The following DOCK1 variants were observed in gnomAD, a reference collection of about 807,000 sequenced individuals.
DOCK1 encodes dedicator of cytokinesis 1.
DOCK1 carries 138 observed loss-of-function variants against 262.7 expected under a neutral mutation model. That is an observed-to-expected ratio of 0.53 (90% confidence interval 0.46 to 0.61). The LOEUF is 0.61. Among genes scored for constraint, DOCK1 ranks in the 20% least tolerant of loss-of-function variants. The probability of loss-of-function intolerance (pLI) is 0.00; values close to 1 mark genes in which losing one functional copy is unlikely to be tolerated. For missense variants in DOCK1, 1,908 were observed against 2,370.7 expected (o/e 0.80, Z 4.05); for synonymous variants, 866 against 867.4 (o/e 1.00, Z 0.03).
At chr10:127,149,851 G>C (rs1404516768) in intron 27 of DOCK1, among the ~76,000 whole-genome samples, 1 of 152,168 alleles carries the variant, frequency 6.6e-6, no homozygotes, top group Non-Finnish European at 1.5e-5. Flanking sequence ...GGCATCCCAT[G>C]GTGCATATGG....
intron 23 of DOCK1, among the ~76,000 whole-genome samples, chr10:127,072,067 C>T (rs1055615951): frequency 3.3e-5 from 5 of 152,186 alleles, no homozygotes; most frequent in African/African-American, 1.2e-4. Context: ...TTAGGTGCTC[C>T]TCCCACATCT....
chr10:126,946,676 C>A (rs966091219), intron 1 of DOCK1, among the ~76,000 whole-genome samples: 1 of 152,184 alleles, frequency 6.6e-6, no homozygotes, highest in Non-Finnish European at 1.5e-5. Flanking sequence ...AGTATTTGTC[C>A]TTTTGTGCCT....
intron 35 of DOCK1, among the ~76,000 whole-genome samples, chr10:127,374,888 G>C (rs114459306): frequency 1.3e-5 from 2 of 152,304 alleles, no homozygotes; most frequent in African/African-American, 4.8e-5. Flanking sequence ...GGGGAACGTT[G>C]TCCTACTCAC....
chr10:127,301,596 G>A (rs1178579131), intron 29 of DOCK1, among the ~76,000 whole-genome samples: 1 of 152,136 alleles, frequency 6.6e-6, no homozygotes, highest in Non-Finnish European at 1.5e-5. Context: ...GAAATCAAAT[G>A]TATTATGGGC....
chr10:127,031,566 AG>A, intron 16 of DOCK1, 83 bp from the exon 17 acceptor site: 1 of 1,040,362 alleles, frequency 9.6e-7, no homozygotes, highest in South Asian at 1.5e-5. Context: ...GTTTTCATAA[AG>A]GTAGCCTTTG....
Position 127,378,615 on chromosome 10 carries a change from AG to A in DOCK1, c.3676-1465del, listed in dbSNP as rs61573742. On this transcript the variant is annotated intron_variant, in intron 35 of 51. Transcript: ENST00000623213. ...AGAAGACATTTCGTATCTCCGAGAG[AG>A]GAATGAAGGTCGCATGATATTCCCG... Among the ~76,000 whole-genome samples the A allele has an allele frequency of 7.7e-3, 1,180 of 152,324 alleles. 13 individuals carry two copies. Among genetic ancestry groups the A allele is most frequent in the African/African-American group, 0.027 (1,113 of 41,560 alleles).
At chr10:127,293,940 G>T (rs145537897) in intron 29 of DOCK1, among the ~76,000 whole-genome samples, 17 of 152,270 alleles carry the variant, frequency 1.1e-4, no homozygotes, top group African/African-American at 4.1e-4. Context: ...CTGAGAACCC[G>T]CCTAGTCATC....
At chr10:127,014,575 A>T (rs2041717992) in intron 12 of DOCK1, among the ~76,000 whole-genome samples, 1 of 152,218 alleles carries the variant, frequency 6.6e-6, no homozygotes, top group Admixed American at 6.5e-5. Flanking sequence ...CTCTGTAGAT[A>T]ATGACCTCAC....
chr10:127,439,961 G>A (rs551362801), intron 49 of DOCK1, among the ~76,000 whole-genome samples: 5 of 152,096 alleles, frequency 3.3e-5, no homozygotes, highest in Non-Finnish European at 7.4e-5. Context: ...ATCTGTGTTC[G>A]TCTGTTTTGT....
chr10:127,060,343 C>T (rs963101986), intron 22 of DOCK1, among the ~76,000 whole-genome samples: 3 of 152,084 alleles, frequency 2.0e-5, no homozygotes, highest in African/African-American at 7.2e-5. Flanking sequence ...TTGTTTGGTA[C>T]ATCATTTAAG....
intron 27 of DOCK1, among the ~76,000 whole-genome samples, chr10:127,128,275 T>C (rs2486966): frequency 0.82 from 124,657 of 151,760 alleles, 51,906 homozygotes; most frequent in East Asian, 0.94. Flanking sequence ...TGCTGTCCTC[T>C]GCACCCCCTT....
chr10:127,224,790 A>G (rs1485156518), intron 27 of DOCK1, among the ~76,000 whole-genome samples: 2 of 151,936 alleles, frequency 1.3e-5, no homozygotes, highest in East Asian at 1.9e-4. Flanking sequence ...GTATATTTTT[A>G]TATTATAATT....
At position 127,012,434 on chromosome 10, in the gene DOCK1, G is replaced by C. The variant is rs903214709; in HGVS notation, c.1201+60G>C. ...TATTTGCATGCGTTGGGGCAGTGCT[G>C]TCTGGGTTGGTTTTAGTTTGATGTT... On this transcript the variant is annotated intron_variant, in intron 12 of 51. Coordinates refer to ENST00000623213, the MANE Select transcript of DOCK1 (RefSeq NM_001290223.2). This position sits in a 1 kb window ranked among gnomAD's most constrained non-coding sequence, Gnocchi z 4.0. 2.9e-5 allele frequency: 44 copies of C among 1,527,844 alleles called. No homozygotes were observed. The highest frequency in any genetic ancestry group is 3.5e-5 in the Non-Finnish European group (39 of 1,108,298). 94.6% of individuals were successfully genotyped at this position (1,527,844 alleles called of 1,614,324 possible). A position where few individuals can be genotyped will look rare whatever the true frequency, so the allele number is the denominator to read the frequency against.
At chr10:127,368,430 C>G (rs2065039566) in intron 33 of DOCK1, among the ~76,000 whole-genome samples, 1 of 152,254 alleles carries the variant, frequency 6.6e-6, no homozygotes, top group South Asian at 2.1e-4. Flanking sequence ...GCCCCCTTTC[C>G]TTACAGCTGG....
chr10:127,104,412 G>A (rs1435876075), intron 23 of DOCK1, among the ~76,000 whole-genome samples: 2 of 152,114 alleles, frequency 1.3e-5, no homozygotes, highest in Non-Finnish European at 2.9e-5. Context: ...TTTAAGATCG[G>A]TGATCTATTT....
At chr10:126,951,404 C>T (rs2036224609) in intron 1 of DOCK1, among the ~76,000 whole-genome samples, 12 of 141,888 alleles carry the variant, frequency 8.5e-5, no homozygotes, top group Admixed American at 6.4e-4. Context: ...AGTAGTATTG[C>T]TAATATTAGT....
intron 33 of DOCK1, among the ~76,000 whole-genome samples, chr10:127,364,101 G>A (rs189317205): frequency 6.6e-6 from 1 of 152,322 alleles, no homozygotes; most frequent in Admixed American, 6.5e-5. Context: ...GAGTGCAGGG[G>A]GCAGCCTGCA....
At chr10:127,329,046 C>G (rs1269636243) in intron 29 of DOCK1, among the ~76,000 whole-genome samples, 1 of 152,052 alleles carries the variant, frequency 6.6e-6, no homozygotes, top group Non-Finnish European at 1.5e-5. Flanking sequence ...GGCATAATTA[C>G]ATCCACAGTG....
chr10:127,026,146 T>C (rs2042844008), intron 15 of DOCK1: 1 of 564,982 alleles, frequency 1.8e-6, no homozygotes, highest in Non-Finnish European at 3.1e-6. Context: ...ACGGAGTCAG[T>C]TGGCTTGGCA....
Sources: allele counts gnomAD v4.1 joint callset (sites outside exome capture counted in the v4.1 genomes callset), GRCh38; gene constraint gnomAD v4.1.1; non-coding constraint Gnocchi (gnomAD v3.1); transcripts MANE v1.5; gene names NCBI Gene and HGNC (gene_info 2026-07-23, HGNC 2026-07-21).